The following BRD3 variants were observed in gnomAD, a reference collection of about 807,000 sequenced individuals.
The protein encoded by BRD3 is bromodomain-containing protein 3.
In BRD3, 17 loss-of-function variants were observed where a neutral mutation model predicts 66.8. The observed-to-expected ratio is 0.25, with a 90% CI of 0.17 to 0.38. The LOEUF is 0.38. BRD3 is among the 10% of genes least tolerant of loss of function. BRD3 has a pLI of 1.00. For missense variants in BRD3, 713 were observed against 956.1 expected (o/e 0.75, Z 3.35); for synonymous variants, 421 against 393.2 (o/e 1.07, Z -0.84).
upstream of BRD3, chr9:134,068,210 G>A (rs1221887961): frequency 1.4e-5 from 2 of 145,044 alleles, no homozygotes; most frequent in Non-Finnish European, 3.1e-5. Flanking sequence ...CGACCCGGCC[G>A]AGAGCGGGCC....
At position 134,032,073 on chromosome 9, in the gene BRD3, G is replaced by A; in HGVS notation, c.*1517C>T. On this transcript the variant is annotated 3_prime_UTR_variant, in exon 12 of 12. Transcript: ENST00000303407. Reference sequence around the variant, plus strand: ...GCAGGCATGTCCACCCGCAAGCCTGGGAGGCTAACTCTGGCATTCCTGGCC... The same window carrying A: ...GCAGGCATGTCCACCCGCAAGCCTGAGAGGCTAACTCTGGCATTCCTGGCC... 1 of 218,938 alleles carries A rather than the reference G, an allele frequency of 4.6e-6. No individual in the cohort carries two copies. Among genetic ancestry groups the A allele is most frequent in the African/African-American group, 2.2e-5 (1 of 44,452 alleles). 13.6% of individuals were successfully genotyped at this position (218,938 alleles called of 1,614,324 possible). A position where few individuals can be genotyped will look rare whatever the true frequency, so the allele number is the denominator to read the frequency against.
chr9:134,061,263 C>T (rs1374464831), intron 1 of BRD3, among the ~76,000 whole-genome samples: 1 of 152,264 alleles, frequency 6.6e-6, no homozygotes, highest in Non-Finnish European at 1.5e-5. Flanking sequence ...GCGGCTGGAC[C>T]ATGGGGGCAT....
intron 10 of BRD3, among the ~76,000 whole-genome samples, chr9:134,035,345 G>A (rs1325528676): frequency 6.6e-6 from 1 of 152,194 alleles, no homozygotes. Flanking sequence ...AGCAAGTGAG[G>A]CCCATGCACA....
chr9:134,040,307 G>A (rs200014285), intron 8 of BRD3, 38 bp from the exon 9 acceptor site: 50 of 1,570,114 alleles, frequency 3.2e-5, no homozygotes, highest in African/African-American at 2.3e-4. Flanking sequence ...TGCTGGGCAC[G>A]GCCCACACCA....
At position 134,053,827 on chromosome 9, in the gene BRD3, T is replaced by G. The variant is rs1339319779; in HGVS notation, c.-113-237A>C. On this transcript the variant is annotated intron_variant, in intron 1 of 11. Coordinates refer to ENST00000303407, the MANE Select transcript of BRD3 (RefSeq NM_007371.4). ...GCTCTCAGGCACGGGAGGGAAGGCC[T>G]GGGCGGTGGAGGGAGCTCAGGCACA... 13 of 291,570 alleles carry G rather than the reference T, an allele frequency of 4.5e-5. No individual in the cohort carries two copies. The East Asian group carries it at 7.5e-4, about 17-fold the overall frequency. The allele number at this position is 291,570 out of a possible 1,614,324, so 18.1% of individuals were successfully genotyped here. A position where few individuals can be genotyped will look rare whatever the true frequency, so the allele number is the denominator to read the frequency against.
Position 134,050,604 on chromosome 9 carries a change from G to T in BRD3, c.500-16C>A. The T allele has an allele frequency of 1.9e-6, 3 of 1,596,356 alleles. No individual in the cohort carries two copies. The South Asian group carries it at 3.3e-5, about 18-fold the overall frequency. On this transcript the variant is annotated splice_polypyrimidine_tract_variant and intron_variant, in intron 4 of 11. Transcript: ENST00000303407. Reference sequence around the variant, plus strand: ...TGCTGTGTACCTTCAAGACAAGGAAGGGATGTTCAACACACCAGGCTCCAC... The same window carrying T: ...TGCTGTGTACCTTCAAGACAAGGAATGGATGTTCAACACACCAGGCTCCAC...
Position 134,053,511 on chromosome 9 carries a change from G to A in BRD3, c.-34C>T. The A allele has an allele frequency of 2.6e-6, 4 of 1,538,550 alleles. No homozygotes were observed. Among genetic ancestry groups the A allele is most frequent in the Non-Finnish European group, 3.5e-6 (4 of 1,146,172 alleles). On this transcript the variant is annotated 5_prime_UTR_variant, in exon 2 of 12. Transcript: ENST00000303407. ...AGCTCACTCACTTTCTGTCACAGCA[G>A]CGGCTTGGAGAGGCCCTGGCTGCTT...
chr9:134,061,984 G>A (rs1001799826), intron 1 of BRD3, among the ~76,000 whole-genome samples: 2 of 152,196 alleles, frequency 1.3e-5, no homozygotes, highest in African/African-American at 2.4e-5. Flanking sequence ...CAGCCCACGT[G>A]GTGACCAGCG....
chr9:134,049,170 C>A (rs988130394), intron 5 of BRD3, among the ~76,000 whole-genome samples: 1 of 152,114 alleles, frequency 6.6e-6, no homozygotes, highest in Non-Finnish European at 1.5e-5. Context: ...AGCCAGGCAC[C>A]AGGCAGACGC....
intron 10 of BRD3, 54 bp from the exon 11 acceptor site, chr9:134,034,883 G>C (rs1843576546): frequency 1.2e-6 from 2 of 1,602,934 alleles, no homozygotes; most frequent in South Asian, 2.2e-5. Flanking sequence ...TGGGGCAGGA[G>C]CCAGGGCTGC....
chr9:134,034,409 C>T (rs1843565795), intron 11 of BRD3: 2 of 364,712 alleles, frequency 5.5e-6, no homozygotes, highest in African/African-American at 4.1e-5. Flanking sequence ...CTGGGCTGCC[C>T]AGTCCAGCCC....
rs2132434227 is a variant in BRD3, at chr9:134,053,704, C to CA, written c.-113-115dup. The CA allele has an allele frequency of 3.2e-6, 3 of 946,102 alleles. No individual in the cohort carries two copies. The Admixed American group carries it at 9.3e-5, about 29-fold the overall frequency. 58.6% of individuals were successfully genotyped at this position (946,102 alleles called of 1,614,324 possible). ...TGTCGGGCCTCAGCAGGGCCTGCTC[C>CA]ACTCACTCACCCCCATTGCCCAGCC... is the stretch of plus-strand genomic sequence containing the variant. On this transcript the variant is annotated intron_variant, in intron 1 of 11. Transcript: ENST00000303407.
At chr9:134,061,490 GC>G (rs1830543288) in intron 1 of BRD3, among the ~76,000 whole-genome samples, 1 of 152,208 alleles carries the variant, frequency 6.6e-6, no homozygotes. Context: ...GGAGACAGGA[GC>G]ACTGGAACCA....
intron 8 of BRD3, 101 bp downstream of exon 8, chr9:134,041,659 A>C (rs867386257): frequency 1.4e-6 from 2 of 1,404,868 alleles, no homozygotes; most frequent in Non-Finnish European, 9.5e-7. Flanking sequence ...GCTGAGGGAC[A>C]GGGGCAGAGG....
intron 9 of BRD3, chr9:134,036,630 A>C: frequency 1.4e-6 from 2 of 1,428,624 alleles, no homozygotes; most frequent in Non-Finnish European, 2.0e-6. Flanking sequence ...AAAAAGGGGG[A>C]ACAAAGGAAC....
chr9:134,064,582 C>T (rs942647868), intron 1 of BRD3, among the ~76,000 whole-genome samples: 23 of 152,006 alleles, frequency 1.5e-4, no homozygotes, highest in African/African-American at 5.6e-4. Flanking sequence ...GCATCTTGGC[C>T]GAGCATGGTG....
At position 134,033,523 on chromosome 9, in the gene BRD3, C is replaced by A. The variant is rs1469617574; in HGVS notation, c.*67G>T. ...ATGGAACAGAAGTAGTAATATGAAC[C>A]ACAGAGGGGTACGGCAGAGTCTCGG... On this transcript the variant is annotated 3_prime_UTR_variant, in exon 12 of 12. Transcript: ENST00000303407. The surrounding 1 kb of genome is among the most constrained non-coding windows in gnomAD (Gnocchi z 5.1). 5 of 679,970 alleles carry A rather than the reference C, an allele frequency of 7.4e-6. No homozygotes were observed. Among genetic ancestry groups the A allele is most frequent in the African/African-American group, 3.5e-5 (2 of 56,636 alleles). The allele number at this position is 679,970 out of a possible 1,614,324, so 42.1% of individuals were successfully genotyped here.
intron 9 of BRD3, among the ~76,000 whole-genome samples, chr9:134,038,391 C>A (rs1444149062): frequency 1.3e-5 from 2 of 152,144 alleles, no homozygotes; most frequent in African/African-American, 4.8e-5. Flanking sequence ...CAGGTGTGAG[C>A]CACTGCACCT....
chr9:134,064,831 T>C (rs562757982), intron 1 of BRD3, among the ~76,000 whole-genome samples: 40 of 152,098 alleles, frequency 2.6e-4, no homozygotes, highest in Non-Finnish European at 5.1e-4. Context: ...GGAAGGAGAA[T>C]AGGCAAAGAA....
Sources: allele counts gnomAD v4.1 joint callset (sites outside exome capture counted in the v4.1 genomes callset), GRCh38; gene constraint gnomAD v4.1.1; non-coding constraint Gnocchi (gnomAD v3.1); transcripts MANE v1.5; gene names NCBI Gene and HGNC (gene_info 2026-07-23, HGNC 2026-07-21).